SLC18A1: variants seen among roughly 807,000 people sequenced by gnomAD.
SLC18A1 encodes chromaffin granule amine transporter.
SLC18A1 carries 69 observed loss-of-function variants against 53.7 expected under a neutral mutation model. That is an observed-to-expected ratio of 1.28 (90% CI 1.06 to 1.57). SLC18A1 has a LOEUF of 1.57. Among genes scored for constraint, SLC18A1 ranks in the 40% most tolerant of loss-of-function variants. SLC18A1 has a pLI of 0.00. For missense variants in SLC18A1, 932 were observed against 668.1 expected, an observed-to-expected ratio of 1.40 and a Z score of -4.35; for synonymous variants, 320 against 248.1, an observed-to-expected ratio of 1.29 and a Z score of -2.72.
At chr8:20,177,724 C>A (rs2072286042) in intron 4 of SLC18A1, among the ~76,000 whole-genome samples, 1 of 152,202 alleles carries the variant, frequency 6.6e-6, no homozygotes, top group Non-Finnish European at 1.5e-5. Flanking sequence ...CCATCGGGAA[C>A]CAAGGCTGGA....
chr8:20,178,351 G>C (rs75463105), intron 4 of SLC18A1, 84 bp downstream of exon 4: 1 of 1,078,508 alleles, frequency 9.3e-7, no homozygotes, highest in East Asian at 2.4e-5. Flanking sequence ...TACATTCTAG[G>C]TTACCCTGCT....
chr8:20,180,707 A>C, intron 2 of SLC18A1, 134 bp downstream of exon 2: 1 of 1,149,788 alleles, frequency 8.7e-7, no homozygotes. Context: ...TCCAGTCCCC[A>C]ACAACCTCTG....
chr8:20,166,694 T>A (rs1238379651), intron 8 of SLC18A1, among the ~76,000 whole-genome samples: 4 of 152,044 alleles, frequency 2.6e-5, no homozygotes, highest in African/African-American at 9.7e-5. Context: ...ATATTAGTGT[T>A]ATGGGCTGAA....
At chr8:20,146,978 A>G (rs561496433) in intron 15 of SLC18A1, among the ~76,000 whole-genome samples, 1 of 152,308 alleles carries the variant, frequency 6.6e-6, no homozygotes, top group African/African-American at 2.4e-5. Context: ...AACAGTAACT[A>G]CAGGATGTCT....
chr8:20,176,319 C>G (rs925250761), intron 4 of SLC18A1, among the ~76,000 whole-genome samples: 1 of 152,166 alleles, frequency 6.6e-6, no homozygotes, highest in African/African-American at 2.4e-5. Flanking sequence ...CACCTTCCAC[C>G]ATGAGTGGAA....
At chr8:20,171,601 T>C in intron 6 of SLC18A1, 107 bp from the exon 7 acceptor site, 1 of 827,688 alleles carries the variant, frequency 1.2e-6, no homozygotes, top group Middle Eastern at 2.4e-4. Context: ...TGCTAGGGGC[T>C]AAGCTCCACC....
chr8:20,178,326 A>C, intron 4 of SLC18A1, 109 bp downstream of exon 4: 1 of 804,262 alleles, frequency 1.2e-6, no homozygotes. Flanking sequence ...CAGTCTGCTT[A>C]GTCAGATGCC....
At chr8:20,163,617 G>A (rs1038247773) in intron 10 of SLC18A1, among the ~76,000 whole-genome samples, 1 of 152,160 alleles carries the variant, frequency 6.6e-6, no homozygotes, top group Non-Finnish European at 1.5e-5. Flanking sequence ...TTTTCTAGGT[G>A]TGATCACTGA....
intron 6 of SLC18A1, among the ~76,000 whole-genome samples, chr8:20,172,254 A>C (rs2072141829): frequency 6.6e-6 from 1 of 152,236 alleles, no homozygotes; most frequent in African/African-American, 2.4e-5. Flanking sequence ...AAAGGATTTC[A>C]AGATGCACAG....
At position 20,170,762 on chromosome 8, in the gene SLC18A1, C is replaced by CAT. The variant is rs36178996; in HGVS notation, c.858+339_858+340dup. Among the ~76,000 whole-genome samples, 662 of 148,842 alleles carry CAT rather than the reference C, an allele frequency of 4.4e-3. 3 individuals are homozygous for CAT. Among genetic ancestry groups the CAT allele is most frequent in the African/African-American group, 0.012 (473 of 40,682 alleles). On this transcript the variant is annotated intron_variant, in intron 8 of 15. Coordinates refer to ENST00000276373, the MANE Select transcript of SLC18A1 (RefSeq NM_003053.4). ...AGCTATAATTACATGTGTGTGTGCA[C>CAT]ATATATATATATATATGGAGATCTC...
rs115937099 is a variant in SLC18A1 at position 20,170,882 on chromosome 8, C to A, written c.858+221G>T. 4.1e-3 allele frequency among the ~76,000 whole-genome samples: 627 copies of A among 152,228 alleles called. 7 individuals are homozygous for A. Among genetic ancestry groups the A allele is most frequent in the African/African-American group, 0.014 (599 of 41,548 alleles). ...ATTCTCTATGGCTTCTTTGATTATG[C>A]ACAAGGTTCTTCCACCATCTTTGTC... On this transcript the variant is annotated intron_variant, in intron 8 of 15. Transcript: ENST00000276373.
chr8:20,173,263 T>C lies in SLC18A1; in HGVS notation c.632-135A>G, dbSNP rs985913463. The C allele has an allele frequency of 1.5e-5, 10 of 660,422 alleles. No homozygotes were observed. In the African/African-American group the frequency reaches 1.6e-4, roughly 11 times the overall value. 40.9% of individuals were successfully genotyped at this position (660,422 alleles called of 1,614,324 possible). A position where few individuals can be genotyped will look rare whatever the true frequency, so the allele number is the denominator to read the frequency against. ...TCAGTTTGAGGGGTTTTACAAAACT[T>C]AACCCGTAGTATTTTTCAAGTACTA... On this transcript the variant is annotated intron_variant, in intron 5 of 15. Coordinates refer to ENST00000276373, the MANE Select transcript of SLC18A1 (RefSeq NM_003053.4).
intron 10 of SLC18A1, among the ~76,000 whole-genome samples, chr8:20,162,037 C>A (rs2128873193): frequency 6.6e-6 from 1 of 152,328 alleles, no homozygotes; most frequent in South Asian, 2.1e-4. Flanking sequence ...ACCACATAGA[C>A]ACCACCAAGG....
chr8:20,153,286 G>C (rs2071605008), intron 10 of SLC18A1, among the ~76,000 whole-genome samples: 1 of 152,136 alleles, frequency 6.6e-6, no homozygotes, highest in Admixed American at 6.5e-5. Flanking sequence ...AGCTTAGCTA[G>C]AGTGAAGTTT....
At chr8:20,147,132 G>A in intron 15 of SLC18A1, 126 bp downstream of exon 15, 1 of 1,014,072 alleles carries the variant, frequency 9.9e-7, no homozygotes. Flanking sequence ...GGGAAACATG[G>A]CAAAGCAGAG....
intron 2 of SLC18A1, among the ~76,000 whole-genome samples, chr8:20,180,427 C>A (rs6586898): frequency 0.72 from 108,741 of 152,046 alleles, 39,140 homozygotes; most frequent in Middle Eastern, 0.8. Context: ...GGTCTTGATA[C>A]TAAATCAGAT....
chr8:20,151,257 G>T (rs2071547961), intron 10 of SLC18A1, among the ~76,000 whole-genome samples: 1 of 151,768 alleles, frequency 6.6e-6, no homozygotes. Flanking sequence ...AAAGTGCTGG[G>T]ATTACAGATG....
chr8:20,177,721 G>T (rs1426243775), intron 4 of SLC18A1, among the ~76,000 whole-genome samples: 2 of 152,190 alleles, frequency 1.3e-5, no homozygotes, highest in African/African-American at 4.8e-5. Context: ...GGGCCATCGG[G>T]AACCAAGGCT....
chr8:20,147,527 G>C, intron 14 of SLC18A1, 76 bp downstream of exon 14: 1 of 1,600,280 alleles, frequency 6.2e-7, no homozygotes, highest in South Asian at 1.1e-5. Context: ...ACCCTAGGAG[G>C]ATAGCTTCCT....
Sources: allele counts gnomAD v4.1 joint callset (sites outside exome capture counted in the v4.1 genomes callset), GRCh38; gene constraint gnomAD v4.1.1; transcripts MANE v1.5; gene names NCBI Gene and HGNC (gene_info 2026-07-23, HGNC 2026-07-21).